The following SPIDR variants were observed in gnomAD, a reference collection of about 807,000 sequenced individuals.
The protein encoded by SPIDR is DNA repair-scaffolding protein.
SPIDR carries 93 observed loss-of-function variants against 104.6 expected under a neutral mutation model. The observed-to-expected ratio is 0.89, with a 90% CI of 0.75 to 1.06. The LOEUF is 1.06. SPIDR is among the 50% of genes least tolerant of loss of function. The pLI, the probability that SPIDR is intolerant of heterozygous loss-of-function variation, is 0.00. For missense variants in SPIDR, 1,154 were observed against 1,111.2 expected, an observed-to-expected ratio of 1.04 and a Z score of -0.55; for synonymous variants, 431 against 416.9, an observed-to-expected ratio of 1.03 and a Z score of -0.41.
chr8:47,691,401 T>C lies in SPIDR; in HGVS notation c.1686-9002T>C, dbSNP rs556419917. ...AGTTCCCACATCTATACGGTATTCA[T>C]AGGCTATTCTTAGCGGAGATCAATC... On this transcript the variant is annotated intron_variant, in intron 11 of 19. Coordinates refer to ENST00000297423, the MANE Select transcript of SPIDR (RefSeq NM_001080394.4). 9.9e-5 allele frequency among the ~76,000 whole-genome samples: 15 copies of C among 152,228 alleles called. No homozygotes were observed. In the South Asian group the frequency reaches 2.9e-3, roughly 29 times the overall value.
chr8:47,493,322 A>T (rs1348177985), intron 8 of SPIDR, among the ~76,000 whole-genome samples: 1 of 152,178 alleles, frequency 6.6e-6, no homozygotes, highest in Non-Finnish European at 1.5e-5. Flanking sequence ...ACCTGCTACC[A>T]ATAAGAAACC....
At chr8:47,709,197 G>A (rs375376010) in intron 14 of SPIDR, among the ~76,000 whole-genome samples, 21 of 152,078 alleles carry the variant, frequency 1.4e-4, no homozygotes, top group Non-Finnish European at 2.9e-5. Context: ...CTGGAGTGCA[G>A]TGGCATGACC....
chr8:47,531,103 C>T (rs1469321278), intron 8 of SPIDR, among the ~76,000 whole-genome samples: 8 of 152,072 alleles, frequency 5.3e-5, no homozygotes, highest in African/African-American at 1.7e-4. Flanking sequence ...CGCTATGTTG[C>T]GCAGGTTGGT....
chr8:47,434,965 C>T (rs2068019478), intron 7 of SPIDR, among the ~76,000 whole-genome samples: 1 of 151,960 alleles, frequency 6.6e-6, no homozygotes, highest in African/African-American at 2.4e-5. Flanking sequence ...TTTTGTGTTT[C>T]TTTTTTTCAT....
At chr8:47,468,621 A>G (rs746486234) in intron 8 of SPIDR, among the ~76,000 whole-genome samples, 204 of 152,288 alleles carry the variant, frequency 1.3e-3, no homozygotes, top group Admixed American at 4.0e-3. Flanking sequence ...CCATTCAATA[A>G]ATGGTGTTGG....
chr8:47,307,249 G>C (rs1554581919), intron 5 of SPIDR, among the ~76,000 whole-genome samples: 1 of 148,540 alleles, frequency 6.7e-6, no homozygotes, highest in South Asian at 2.1e-4. Context: ...TTTTTTAATG[G>C]AGTCTCTATC....
chr8:47,608,201 A>G (rs1162428967), intron 10 of SPIDR, among the ~76,000 whole-genome samples: 1 of 152,212 alleles, frequency 6.6e-6, no homozygotes, highest in South Asian at 2.1e-4. Flanking sequence ...AAAATCACAA[A>G]TCTTTCGTGA....
At chr8:47,472,208 G>A (rs1456483241) in intron 8 of SPIDR, among the ~76,000 whole-genome samples, 5 of 152,346 alleles carry the variant, frequency 3.3e-5, no homozygotes, top group African/African-American at 1.2e-4. Flanking sequence ...GTAGCTTGTT[G>A]CAGACGTCCC....
intron 5 of SPIDR, among the ~76,000 whole-genome samples, chr8:47,378,650 T>G (rs2058964458): frequency 6.6e-6 from 1 of 152,250 alleles, no homozygotes; most frequent in Non-Finnish European, 1.5e-5. Flanking sequence ...TCATTTAATC[T>G]TGTGTCAGTT....
intron 1 of SPIDR, 121 bp from the exon 2 acceptor site, chr8:47,279,741 C>T (rs1329654125): frequency 4.3e-5 from 42 of 972,532 alleles, no homozygotes; most frequent in Non-Finnish European, 5.6e-5. Context: ...CATTCAAAAA[C>T]TATACCTTTA....
chr8:47,430,487 A>G (rs1021166512), intron 7 of SPIDR, among the ~76,000 whole-genome samples: 1 of 133,974 alleles, frequency 7.5e-6, no homozygotes, highest in African/African-American at 2.4e-5. Context: ...ATAAAGTGAC[A>G]GTGGGGACGC....
At chr8:47,644,318 G>A (rs1262890653) in intron 10 of SPIDR, among the ~76,000 whole-genome samples, 1 of 152,250 alleles carries the variant, frequency 6.6e-6, no homozygotes, top group Non-Finnish European at 1.5e-5. Context: ...GGAAGCTGAT[G>A]TCAGGTCTCT....
chr8:47,650,845 A>G (rs1403316639), intron 10 of SPIDR, among the ~76,000 whole-genome samples: 1 of 152,176 alleles, frequency 6.6e-6, no homozygotes, highest in African/African-American at 2.4e-5. Flanking sequence ...AAAAACATAG[A>G]TTAGGGGAAG....
intron 10 of SPIDR, among the ~76,000 whole-genome samples, chr8:47,634,238 A>C (rs1162217942): frequency 6.6e-6 from 1 of 152,156 alleles, no homozygotes; most frequent in Non-Finnish European, 1.5e-5. Context: ...ATGGATCACG[A>C]GGTCAGAGTT....
chr8:47,355,912 T>A (rs1422330543), intron 5 of SPIDR, among the ~76,000 whole-genome samples: 2 of 152,200 alleles, frequency 1.3e-5, no homozygotes, highest in Admixed American at 1.3e-4. Flanking sequence ...TTTGCAGTTG[T>A]TAGTCAAGAG....
intron 5 of SPIDR, among the ~76,000 whole-genome samples, chr8:47,355,922 G>T (rs1022038880): frequency 6.6e-6 from 1 of 152,192 alleles, no homozygotes; most frequent in Non-Finnish European, 1.5e-5. Flanking sequence ...TTAGTCAAGA[G>T]CTGGGCTTGG....
intron 8 of SPIDR, among the ~76,000 whole-genome samples, chr8:47,470,977 G>T (rs35235599): frequency 1.3e-5 from 2 of 151,830 alleles, no homozygotes; most frequent in African/African-American, 4.8e-5. Flanking sequence ...CTTGTGATCC[G>T]CCCGCCTTGG....
Position 47,456,166 on chromosome 8 carries a change from C to T in SPIDR, c.1097+15624C>T, listed in dbSNP as rs2154351014. Among the ~76,000 whole-genome samples the T allele has an allele frequency of 3.9e-5, 6 of 152,276 alleles. No individual in the cohort carries two copies. In the Middle Eastern group the frequency reaches 0.01, roughly 259 times the overall value. ...TGCTACAGTCCTAACTCCCATTACA[C>T]CTCAGGCTATATGGAGATAGAGCCT... is the stretch of plus-strand genomic sequence containing the variant. On this transcript the variant is annotated intron_variant, in intron 8 of 19. Coordinates refer to ENST00000297423, the MANE Select transcript of SPIDR (RefSeq NM_001080394.4).
chr8:47,727,265 G>A lies in SPIDR; in HGVS notation c.2407G>A (p.Gly803Arg), dbSNP rs777795233. 8.1e-6 allele frequency: 13 copies of A among 1,613,982 alleles called. No homozygotes were observed. The highest frequency in any genetic ancestry group is 6.7e-5 in the East Asian group (3 of 44,874). Residue 803 changes from glycine (G) to arginine (R), a missense_variant, in exon 17 of 20, where the codon GGG becomes AGG. Physicochemically the swap from Gly to Arg is moderately radical, Grantham distance 125. Coordinates refer to ENST00000297423, the MANE Select transcript of SPIDR (RefSeq NM_001080394.4). ...SWPVCDMCGN[G>R]RLEQRPEDRG... ...GCCTGTGTGTGACATGTGTGGCAAC[G>A]GGAGATTGGAACAGAGGCCGGAAGA...
Sources: gnomAD v4.1 joint callset for allele counts (sites outside exome capture counted in the v4.1 genomes callset) on GRCh38, gnomAD v4.1.1 for gene constraint, MANE v1.5 for transcripts, NCBI Gene and HGNC (gene_info 2026-07-23, HGNC 2026-07-21) for gene names.